Variants in OLFM4 observed in about 807,000 individuals in gnomAD.
The protein encoded by OLFM4 is olfactomedin 4.
A neutral mutation model predicts 25.5 loss-of-function variants in OLFM4; 22 were observed. The ratio of observed to expected loss-of-function variants is 0.86; its 90% CI spans 0.62 to 1.23. OLFM4 has a LOEUF of 1.23. OLFM4 is among the 50% of genes most tolerant of loss of function. The probability of loss-of-function intolerance (pLI) is 0.00; values close to 1 mark genes in which losing one functional copy is unlikely to be tolerated. For synonymous variants in OLFM4, 255 were observed against 237.7 expected, an observed-to-expected ratio of 1.07 and a Z score of -0.67; for missense variants, 594 against 619.4, an observed-to-expected ratio of 0.96 and a Z score of 0.44.
chr13:53,042,252 G>A, intron 3 of OLFM4, 130 bp downstream of exon 3: 2 of 760,538 alleles, frequency 2.6e-6, no homozygotes, highest in Non-Finnish European at 4.4e-6. Context: ...TGGCCACATG[G>A]CATATCACTA....
chr13:53,049,138 T>C (rs887882578), intron 4 of OLFM4, among the ~76,000 whole-genome samples: 2 of 152,112 alleles, frequency 1.3e-5, no homozygotes, highest in Admixed American at 1.3e-4. Context: ...GATGGAAAGA[T>C]GAAATACTTG....
intron 4 of OLFM4, 83 bp from the exon 5 acceptor site, chr13:53,049,886 C>A (rs1954735834): frequency 7.3e-7 from 1 of 1,370,074 alleles, no homozygotes; most frequent in African/African-American, 1.5e-5. Flanking sequence ...TTATAGATTC[C>A]TTTGGTGCTT....
At chr13:53,034,157 G>A (rs979538220) in intron 1 of OLFM4, among the ~76,000 whole-genome samples, 191 bp from the exon 2 acceptor site, 4 of 151,850 alleles carry the variant, frequency 2.6e-5, no homozygotes, top group Admixed American at 2.6e-4. Flanking sequence ...TGGCGATGTG[G>A]CTAAACGCTG....
At chr13:53,049,503 G>A (rs762570982) in intron 4 of OLFM4, among the ~76,000 whole-genome samples, 1 of 152,046 alleles carries the variant, frequency 6.6e-6, no homozygotes, top group African/African-American at 2.4e-5. Flanking sequence ...ATTCTTTCTG[G>A]GATAGATTTC....
Position 53,051,978 on chromosome 13 carries a change from A to C in OLFM4, c.*1207A>C, listed in dbSNP as rs1412763040. 6.6e-6 allele frequency: 1 copy of C among 152,294 alleles called. No individual in the cohort carries two copies. Among genetic ancestry groups the C allele is most frequent in the African/African-American group, 2.4e-5 (1 of 41,556 alleles). 9.4% of individuals were successfully genotyped at this position (152,294 alleles called of 1,614,324 possible). A position where few individuals can be genotyped will look rare whatever the true frequency, so the allele number is the denominator to read the frequency against. On this transcript the variant is annotated 3_prime_UTR_variant, in exon 5 of 5. Transcript: ENST00000219022. ...TTGTCTATTTTTCCTTTGATGTTCA[A>C]GTCCTAGTCTATAGGATTGGCAGTT...
rs1954743897 is a variant in OLFM4 at position 53,050,714 on chromosome 13, C to A, written c.1476C>A (p.Val492=). Residue 492 remains valine, a synonymous_variant, in exon 5 of 5, where the codon GTC becomes GTA. Coordinates refer to ENST00000219022, the MANE Select transcript of OLFM4 (RefSeq NM_006418.5). The stretch of plus-strand genomic sequence containing the variant: ...ACCCTTTTGACCAGAAACTTTATGT[C>A]TATAACGATGGTTACCTTCTGAATT... ...NYNPFDQKLY[V]YNDGYLLNYD... is the part of the protein sequence containing the mutation. The A allele has an allele frequency of 6.2e-7, 1 of 1,612,038 alleles. No homozygotes were observed. Among genetic ancestry groups the A allele is most frequent in the Non-Finnish European group, 8.5e-7 (1 of 1,179,284 alleles).
At position 53,032,041 on chromosome 13, in the gene OLFM4, G is replaced by C. The variant is rs1954631921; in HGVS notation, c.205-2307G>C. 2.0e-5 allele frequency among the ~76,000 whole-genome samples: 3 copies of C among 152,224 alleles called. No homozygotes were observed. The South Asian group carries it at 6.2e-4, about 31-fold the overall frequency. ...AAACTTATGGACCATTTTGATGTCA[G>C]CTGAGCATGCTGGGCTGATGATAAG... is the stretch of plus-strand genomic sequence containing the variant. On this transcript the variant is annotated intron_variant, in intron 1 of 4. Coordinates refer to ENST00000219022, the MANE Select transcript of OLFM4 (RefSeq NM_006418.5).
At chr13:53,043,084 T>C (rs1361505100) in intron 3 of OLFM4, 21 bp from the exon 4 acceptor site, 2 of 1,563,794 alleles carry the variant, frequency 1.3e-6, no homozygotes, top group Non-Finnish European at 1.7e-6. Context: ...ATAAAGTCAC[T>C]CTGAATTTTT....
chr13:53,032,427 C>G (rs1005327128), intron 1 of OLFM4, among the ~76,000 whole-genome samples: 9 of 152,096 alleles, frequency 5.9e-5, no homozygotes, highest in Non-Finnish European at 1.3e-4. Flanking sequence ...AAAGCCTTGG[C>G]ATGCTTGAGT....
At chr13:53,031,612 G>A (rs999401427) in intron 1 of OLFM4, among the ~76,000 whole-genome samples, 9 of 152,186 alleles carry the variant, frequency 5.9e-5, no homozygotes, top group Non-Finnish European at 7.3e-5. Context: ...AACGAGTCAC[G>A]TGTTTTCTTG....
chr13:53,034,774 A>G (rs972507101), intron 2 of OLFM4, among the ~76,000 whole-genome samples: 5 of 152,152 alleles, frequency 3.3e-5, no homozygotes, highest in Non-Finnish European at 5.9e-5. Flanking sequence ...AGAAGCCTTG[A>G]GCTCTCCTTG....
At chr13:53,041,234 A>G (rs566397036) in intron 2 of OLFM4, among the ~76,000 whole-genome samples, 93 of 152,320 alleles carry the variant, frequency 6.1e-4, no homozygotes, top group African/African-American at 2.2e-3. Context: ...ATGCTCATCA[A>G]TGGTACACTG....
intron 2 of OLFM4, among the ~76,000 whole-genome samples, chr13:53,040,919 A>G (rs1054525011): frequency 7.2e-5 from 11 of 152,204 alleles, no homozygotes; most frequent in Non-Finnish European, 1.2e-4. Context: ...TCAAAGCCAT[A>G]GTAAGATACC....
intron 4 of OLFM4, 27 bp from the exon 5 acceptor site, chr13:53,049,942 T>C: frequency 6.4e-7 from 1 of 1,554,100 alleles, no homozygotes; most frequent in Non-Finnish European, 8.7e-7. Context: ...TCTCTAAAAA[T>C]GCCTTTTTAT....
chr13:53,050,780 G>A lies in OLFM4; in HGVS notation c.*9G>A. The A allele has an allele frequency of 6.4e-7, 1 of 1,559,102 alleles. No individual in the cohort carries two copies. Among genetic ancestry groups the A allele is most frequent in the South Asian group, 1.2e-5 (1 of 80,950 alleles). On this transcript the variant is annotated 3_prime_UTR_variant, in exon 5 of 5. Transcript: ENST00000219022. ...TGCAGAAGCCCCAGTAAGCTGTTTA[G>A]GAGTTAGGGTGAAAGAGAAAATGTT...
At chr13:53,049,146 T>A (rs1220881449) in intron 4 of OLFM4, among the ~76,000 whole-genome samples, 2 of 152,148 alleles carry the variant, frequency 1.3e-5, no homozygotes, top group Non-Finnish European at 2.9e-5. Flanking sequence ...GATGAAATAC[T>A]TGCATGTCAT....
rs903739411 is a variant in OLFM4, at chr13:53,051,538, A to G, written c.*767A>G. ...AGATTAGAACCAGACTTACTAACCA[A>G]TTCCACCCCCCACCAACCCCCTTCT... On this transcript the variant is annotated 3_prime_UTR_variant, in exon 5 of 5. Transcript: ENST00000219022. 2.0e-5 allele frequency: 3 copies of G among 152,060 alleles called. No homozygotes were observed. Among genetic ancestry groups the G allele is most frequent in the African/African-American group, 7.2e-5 (3 of 41,394 alleles). The allele number at this position is 152,060 out of a possible 1,614,324, so 9.4% of individuals were successfully genotyped here.
intron 1 of OLFM4, among the ~76,000 whole-genome samples, chr13:53,032,040 A>T (rs1169657739): frequency 1.3e-5 from 2 of 152,354 alleles, no homozygotes; most frequent in East Asian, 3.9e-4. Context: ...TTTTGATGTC[A>T]GCTGAGCATG....
intron 1 of OLFM4, among the ~76,000 whole-genome samples, chr13:53,029,911 G>A (rs1954620261): frequency 6.6e-6 from 1 of 152,152 alleles, no homozygotes; most frequent in Admixed American, 6.5e-5. Flanking sequence ...GAGGTTAGGA[G>A]GTAAGAAGCA....
Sources: gnomAD v4.1 joint callset for allele counts (sites outside exome capture counted in the v4.1 genomes callset) on GRCh38, gnomAD v4.1.1 for gene constraint, MANE v1.5 for transcripts, NCBI Gene and HGNC (gene_info 2026-07-23, HGNC 2026-07-21) for gene names.